TYR: variants seen among roughly 807,000 people sequenced by gnomAD.
TYR encodes LB24-AB.
A neutral mutation model predicts 51.5 loss-of-function variants in TYR; 58 were observed. That is an observed-to-expected ratio of 1.13 (90% CI 0.91 to 1.40). TYR has a LOEUF of 1.40. Ranked by LOEUF, TYR falls within the 40% of genes most tolerant of loss-of-function variation. TYR has a pLI of 0.00. For missense variants in TYR, 732 were observed against 647.4 expected (o/e 1.13, Z -1.42); for synonymous variants, 263 against 235.2 (o/e 1.12, Z -1.08).
rs1943261339 is a variant in TYR, at chr11:89,178,664, C to T, written c.711C>T (p.Asp237=). ...AAAACTTCACTATTCCATATTGGGA[C>T]TGGCGGGATGCAGAAAAGTGTGACA... ...GDENFTIPYW[D]WRDAEKCDIC... Residue 237 remains aspartate (D), a synonymous_variant, in exon 1 of 5, where the codon GAC becomes GAT. Transcript: ENST00000263321. The T allele has an allele frequency of 6.2e-7, 1 of 1,613,628 alleles. No homozygotes were observed. Among genetic ancestry groups the T allele is most frequent in the South Asian group, 1.1e-5 (1 of 91,038 alleles).
intron 3 of TYR, among the ~76,000 whole-genome samples, chr11:89,276,753 A>G (rs1257059032): frequency 2.6e-5 from 4 of 151,786 alleles, no homozygotes; most frequent in African/African-American, 9.7e-5. Context: ...AAATCTACAC[A>G]TCAGACTTTG....
intron 3 of TYR, among the ~76,000 whole-genome samples, chr11:89,262,636 C>A: frequency 7.2e-6 from 1 of 138,724 alleles, no homozygotes. Flanking sequence ...ATTCAAATTA[C>A]TAAAATCAGG....
At chr11:89,209,697 C>T (rs111235686) in intron 2 of TYR, among the ~76,000 whole-genome samples, 18 of 152,270 alleles carry the variant, frequency 1.2e-4, no homozygotes, top group African/African-American at 4.3e-4. Context: ...CTGGGAGACA[C>T]TACCCAGTAG....
At chr11:89,247,419 T>C (rs545922013) in intron 3 of TYR, among the ~76,000 whole-genome samples, 68 of 152,218 alleles carry the variant, frequency 4.5e-4, no homozygotes, top group Middle Eastern at 3.4e-3. Context: ...TCTAAGAGAG[T>C]TGAATTGCTT....
At chr11:89,182,589 G>A (rs1261687832) in intron 1 of TYR, among the ~76,000 whole-genome samples, 4 of 152,138 alleles carry the variant, frequency 2.6e-5, no homozygotes, top group Admixed American at 2.6e-4. Flanking sequence ...TGTTAAATAT[G>A]TTAAAATCAG....
At chr11:89,250,553 A>G (rs182232608) in intron 3 of TYR, among the ~76,000 whole-genome samples, 6 of 151,992 alleles carry the variant, frequency 3.9e-5, no homozygotes, top group Non-Finnish European at 5.9e-5. Flanking sequence ...TAAAAAACAT[A>G]AATTTATTTT....
intron 3 of TYR, among the ~76,000 whole-genome samples, chr11:89,236,235 T>TACACACACACAC: frequency 6.7e-6 from 1 of 148,820 alleles, no homozygotes; most frequent in South Asian, 2.1e-4. Context: ...CACACACACA[T>TACACACACACAC]ACACACACAC....
intron 3 of TYR, among the ~76,000 whole-genome samples, chr11:89,238,821 T>C (rs1464830936): frequency 6.6e-6 from 1 of 152,164 alleles, no homozygotes; most frequent in Non-Finnish European, 1.5e-5. Flanking sequence ...TGTTGAATAC[T>C]TTTTTCTATT....
At chr11:89,251,436 A>C (rs1233553738) in intron 3 of TYR, among the ~76,000 whole-genome samples, 2 of 151,908 alleles carry the variant, frequency 1.3e-5, no homozygotes, top group African/African-American at 4.8e-5. Context: ...TTTATCCTAA[A>C]GTAAAGCATG....
At chr11:89,221,485 G>A (rs1470501324) in intron 2 of TYR, among the ~76,000 whole-genome samples, 13 of 152,290 alleles carry the variant, frequency 8.5e-5, no homozygotes, top group East Asian at 5.8e-4. Flanking sequence ...AATGCTTCTC[G>A]TGTATCTAGG....
chr11:89,271,281 A>G (rs1407555373), intron 3 of TYR, among the ~76,000 whole-genome samples: 1 of 151,888 alleles, frequency 6.6e-6, no homozygotes, highest in Non-Finnish European at 1.5e-5. Flanking sequence ...ATACAGTGCA[A>G]GCATAACTCT....
intron 3 of TYR, among the ~76,000 whole-genome samples, chr11:89,229,052 C>T (rs979131361): frequency 2.6e-5 from 4 of 151,824 alleles, no homozygotes; most frequent in African/African-American, 7.3e-5. Flanking sequence ...AGTTATTTTT[C>T]GTGTTTTAAA....
chr11:89,232,112 G>C lies in TYR; in HGVS notation c.1184+4142G>C, dbSNP rs182728021. ...TTTAACTGTTCTTAGCACACGAAAA[G>C]TAAAAAGTAAGTATGTGAAGTAATG... On this transcript the variant is annotated intron_variant, in intron 3 of 4. Transcript: ENST00000263321. 2.8e-5 allele frequency among the ~76,000 whole-genome samples: 4 copies of C among 143,396 alleles called. 1 individual carries two copies. Among genetic ancestry groups the C allele is most frequent in the African/African-American group, 1.1e-4 (4 of 36,318 alleles). The allele number at this position is 143,396 out of a possible 152,430, so 94.1% of individuals were successfully genotyped here.
chr11:89,213,054 A>T (rs960397435), intron 2 of TYR, among the ~76,000 whole-genome samples: 1 of 152,010 alleles, frequency 6.6e-6, no homozygotes, highest in African/African-American at 2.4e-5. Context: ...CTCTCTCACC[A>T]CTCCTATTCA....
In TYR at chr11:89,191,417, A is replaced by G; in HGVS notation, c.1035A>G (p.Glu345=). ...ATTTCAGCTTTAGAAATACACTGGAAGGTAATCTCTTTCTTTTCACTTTTA... is the reference window on the plus strand; with the variant it reads ...ATTTCAGCTTTAGAAATACACTGGAGGGTAATCTCTTTCTTTTCACTTTTA... The part of the protein sequence containing the change: ...AANFSFRNTL[E]GFASPLTGIA... Residue 345 remains glutamate, a splice_region_variant and synonymous_variant, in exon 2 of 5, where the codon GAA becomes GAG. Coordinates refer to ENST00000263321, the MANE Select transcript of TYR (RefSeq NM_000372.5). 6.2e-7 allele frequency: 1 copy of G among 1,612,674 alleles called. No homozygotes were observed. The highest frequency in any genetic ancestry group is 8.5e-7 in the Non-Finnish European group (1 of 1,178,848).
At chr11:89,215,525 TAATAA>T (rs148271676) in intron 2 of TYR, among the ~76,000 whole-genome samples, 2 of 151,532 alleles carry the variant, frequency 1.3e-5, no homozygotes, top group African/African-American at 4.9e-5. Flanking sequence ...ATAATAATAG[TAATAA>T]AATAAAATAA....
chr11:89,193,574 G>C (rs957654645), intron 2 of TYR, among the ~76,000 whole-genome samples: 14 of 152,130 alleles, frequency 9.2e-5, no homozygotes, highest in African/African-American at 3.4e-4. Context: ...CGTTCGGTAA[G>C]TATCTGATAA....
intron 1 of TYR, among the ~76,000 whole-genome samples, chr11:89,190,935 G>A (rs1218510728): frequency 6.6e-6 from 1 of 152,144 alleles, no homozygotes. Flanking sequence ...TAGCCTAGGA[G>A]CAGTAGGTTT....
Position 89,295,000 on chromosome 11 carries a change from T to G in TYR, c.1367-143T>G, listed in dbSNP as rs114540670. The G allele has an allele frequency of 1.0e-3, 1,421 of 1,378,534 alleles. 12 individuals are homozygous for G. The African/African-American group carries it at 0.018, about 17-fold the overall frequency. The allele number at this position is 1,378,534 out of a possible 1,614,324, so 85.4% of individuals were successfully genotyped here. A position where few individuals can be genotyped will look rare whatever the true frequency, so the allele number is the denominator to read the frequency against. On this transcript the variant is annotated intron_variant, in intron 4 of 4. Coordinates refer to ENST00000263321, the MANE Select transcript of TYR (RefSeq NM_000372.5). ...GGCTTTGGAGTATTAGGTGTAACTT[T>G]CCCAAGCTCTTACAGTTAATAAGTA...
Sources: allele counts gnomAD v4.1 joint callset (sites outside exome capture counted in the v4.1 genomes callset), GRCh38; gene constraint gnomAD v4.1.1; transcripts MANE v1.5; gene names NCBI Gene and HGNC (gene_info 2026-07-23, HGNC 2026-07-21).